AKR1C2: variants seen among roughly 807,000 people sequenced by gnomAD.
The protein encoded by AKR1C2 is 3-alpha-HSD3.
AKR1C2 carries 27 observed loss-of-function variants against 39.8 expected under a neutral mutation model. The ratio of observed to expected loss-of-function variants is 0.68; its 90% confidence interval spans 0.50 to 0.93. The LOEUF (loss-of-function observed/expected upper bound fraction) is 0.93, where lower values mean the gene tolerates loss of function less well. AKR1C2 is among the 40% of genes least tolerant of loss of function. AKR1C2 has a pLI of 0.00. For missense variants in AKR1C2, 263 were observed against 365.1 expected, an observed-to-expected ratio of 0.72 and a Z score of 2.28; for synonymous variants, 114 against 137.9, an observed-to-expected ratio of 0.83 and a Z score of 1.22.
At chr10:4,995,888 A>G in intron 5 of AKR1C2, 23 bp from the exon 6 acceptor site, 1 of 1,604,780 alleles carries the variant, frequency 6.2e-7, no homozygotes, top group Non-Finnish European at 8.5e-7. Context: ...AAGATGGAAA[A>G]GCATCAGATA....
chr10:5,012,429 G>T (rs1837542393), intron 1 of AKR1C2, among the ~76,000 whole-genome samples: 1 of 151,366 alleles, frequency 6.6e-6, no homozygotes, highest in African/African-American at 2.4e-5. Context: ...ATCTGGATGG[G>T]CAATGTCATC....
chr10:5,010,209 G>A (rs1554774754), intron 1 of AKR1C2: 1 of 150,836 alleles, frequency 6.6e-6, no homozygotes, highest in Non-Finnish European at 1.5e-5. Context: ...TGGAGCCAGA[G>A]CCCAAAGCGC....
At chr10:5,000,800 T>C (rs1837245010) in intron 2 of AKR1C2, 134 bp from the exon 3 acceptor site, 1 of 722,422 alleles carries the variant, frequency 1.4e-6, no homozygotes, top group Non-Finnish European at 2.4e-6. Context: ...TCTCTCTTCT[T>C]GTGATGCCTT....
chr10:5,012,723 C>T (rs112807151), intron 1 of AKR1C2, among the ~76,000 whole-genome samples: 2 of 152,238 alleles, frequency 1.3e-5, no homozygotes, highest in East Asian at 1.9e-4. Flanking sequence ...AATTATGGTG[C>T]TTCAGGCCAC....
At chr10:5,001,196 G>A (rs11812357) in intron 2 of AKR1C2, among the ~76,000 whole-genome samples, 1 of 152,058 alleles carries the variant, frequency 6.6e-6, no homozygotes, top group Non-Finnish European at 1.5e-5. Context: ...ACAAATGTAA[G>A]AAACTCACCC....
chr10:4,990,574 AG>A (rs1836805703), intron 8 of AKR1C2, among the ~76,000 whole-genome samples: 1 of 152,212 alleles, frequency 6.6e-6, no homozygotes, highest in South Asian at 2.1e-4. Flanking sequence ...TTTATGTTAT[AG>A]GGCCCAATAT....
intron 1 of AKR1C2, among the ~76,000 whole-genome samples, chr10:5,009,111 A>C (rs528014951): frequency 4.4e-4 from 67 of 152,232 alleles, no homozygotes; most frequent in African/African-American, 1.3e-3. Context: ...TGCTGATGCC[A>C]TGGAGAAAAT....
chr10:4,998,420 C>G (rs1837136227), intron 5 of AKR1C2, among the ~76,000 whole-genome samples: 1 of 152,206 alleles, frequency 6.6e-6, no homozygotes, highest in South Asian at 2.1e-4. Flanking sequence ...ACACACAATT[C>G]AGCATCAAAG....
upstream of AKR1C2, chr10:5,005,985 T>C (rs1423783235): frequency 1.3e-5 from 2 of 152,174 alleles, no homozygotes; most frequent in Admixed American, 6.5e-5. Context: ...AGTGTTTCAA[T>C]AGCAAATTTG....
intron 1 of AKR1C2, among the ~76,000 whole-genome samples, chr10:5,017,387 A>T (rs564578211): frequency 6.6e-6 from 1 of 152,302 alleles, no homozygotes; most frequent in Admixed American, 6.5e-5. Context: ...GCTTGCTTTG[A>T]TGCTTAGAAA....
At chr10:5,011,631 G>T (rs1554774926) in intron 1 of AKR1C2, among the ~76,000 whole-genome samples, 1 of 152,132 alleles carries the variant, frequency 6.6e-6, no homozygotes, top group Non-Finnish European at 1.5e-5. Context: ...AAGGACAAGA[G>T]ACCCCAATCA....
intron 1 of AKR1C2, among the ~76,000 whole-genome samples, chr10:5,003,386 C>T (rs1837329557): frequency 6.6e-6 from 1 of 151,690 alleles, no homozygotes; most frequent in South Asian, 2.1e-4. Flanking sequence ...TCTCCACTAA[C>T]TTTTGCCATA....
At chr10:5,017,168 C>T in intron 1 of AKR1C2, among the ~76,000 whole-genome samples, 1 of 152,230 alleles carries the variant, frequency 6.6e-6, no homozygotes, top group Non-Finnish European at 1.5e-5. Context: ...TGGCTATTAA[C>T]ATTTGGCTCT....
upstream of AKR1C2, among the ~76,000 whole-genome samples, chr10:5,006,759 A>G (rs1368020313): frequency 2.1e-5 from 3 of 146,048 alleles, no homozygotes; most frequent in Non-Finnish European, 4.6e-5. Context: ...CCGAATCCAT[A>G]TTTGGCAAAA....
At position 5,001,662 on chromosome 10, in the gene AKR1C2, A is replaced by G. The variant is rs782675314; in HGVS notation, c.104T>C (p.Leu35Pro). Residue 35 changes from leucine (L) to proline (P), a missense_variant, in exon 2 of 9, where the codon CTA (leucine) becomes CCA (proline). Transcript: ENST00000380753. ...TTCTATTGCCAATTTGACGGCCTCT[A>G]GAGCTTTACTTTTAGGAACCTGGGG... Reference protein sequence around the residue: ...APAEVPKSKALEAVKLAIEAG... With the variant: ...APAEVPKSKAPEAVKLAIEAG... The G allele has an allele frequency of 6.2e-7, 1 of 1,613,896 alleles. No individual in the cohort carries two copies.
At chr10:5,002,504 G>C (rs1212919686) in intron 1 of AKR1C2, among the ~76,000 whole-genome samples, 1 of 152,194 alleles carries the variant, frequency 6.6e-6, no homozygotes, top group Non-Finnish European at 1.5e-5. Flanking sequence ...ATATTGATTT[G>C]TGTATGTAAG....
At chr10:5,011,773 A>G (rs1357995797) in intron 1 of AKR1C2, among the ~76,000 whole-genome samples, 1 of 152,282 alleles carries the variant, frequency 6.6e-6, no homozygotes, top group African/African-American at 2.4e-5. Context: ...GAAACACGAG[A>G]GACCCAATGA....
At chr10:4,990,314 AACAGATCCC>A (rs1836790821) in intron 8 of AKR1C2, among the ~76,000 whole-genome samples, 4 of 152,198 alleles carry the variant, frequency 2.6e-5, no homozygotes, top group African/African-American at 7.2e-5. Context: ...ATCTCTCAAC[AACAGATCCC>A]ACATCTGTCA....
intron 4 of AKR1C2, 70 bp from the exon 5 acceptor site, chr10:4,998,817 C>G (rs558092104): frequency 1.3e-6 from 2 of 1,597,774 alleles, no homozygotes; most frequent in Admixed American, 1.7e-5. Context: ...TAACATAGAA[C>G]TGTGAAAGCA....
Sources: gnomAD v4.1 joint callset for allele counts (sites outside exome capture counted in the v4.1 genomes callset) on GRCh38, gnomAD v4.1.1 for gene constraint, MANE v1.5 for transcripts, NCBI Gene and HGNC (gene_info 2026-07-23, HGNC 2026-07-21) for gene names.